SDK1: variants seen among roughly 807,000 people sequenced by gnomAD.
The protein encoded by SDK1 is sidekick cell adhesion molecule 1, also known as protein sidekick-1.
SDK1 carries 157 observed loss-of-function variants against 245.5 expected under a neutral mutation model. That is an observed-to-expected ratio of 0.64 (90% CI 0.56 to 0.73). The LOEUF (loss-of-function observed/expected upper bound fraction) is 0.73, where lower values mean the gene tolerates loss of function less well. SDK1 is among the 30% of genes least tolerant of loss of function. The pLI is 0.00. For synonymous variants in SDK1, 1,647 were observed against 1,278.5 expected, an observed-to-expected ratio of 1.29 and a Z score of -6.15; for missense variants, 3,583 against 3,002.3, an observed-to-expected ratio of 1.19 and a Z score of -4.52.
chr7:3,513,809 G>A (rs931709018), intron 1 of SDK1, among the ~76,000 whole-genome samples: 1 of 152,068 alleles, frequency 6.6e-6, no homozygotes, highest in Admixed American at 6.6e-5. Context: ...GTAGTCCCCA[G>A]TGTCTGTTGT....
chr7:3,974,722 T>G, intron 13 of SDK1, 177 bp downstream of exon 13: 1 of 570,384 alleles, frequency 1.8e-6, no homozygotes, highest in South Asian at 2.7e-5. Flanking sequence ...TGTGGTTTCT[T>G]TCAACTTCGG....
chr7:3,929,621 A>G (rs1350829873), intron 5 of SDK1, among the ~76,000 whole-genome samples: 1 of 152,178 alleles, frequency 6.6e-6, no homozygotes, highest in Non-Finnish European at 1.5e-5. Flanking sequence ...TTGAAGTGTT[A>G]TCTTTTGTAA....
At chr7:3,360,194 A>G (rs1160428632) in intron 1 of SDK1, among the ~76,000 whole-genome samples, 4 of 152,182 alleles carry the variant, frequency 2.6e-5, no homozygotes, top group Non-Finnish European at 4.4e-5. Context: ...GTAAACTCCA[A>G]GAGGTCAGGA....
chr7:3,427,544 G>T (rs1237336115), intron 1 of SDK1, among the ~76,000 whole-genome samples: 1 of 149,594 alleles, frequency 6.7e-6, no homozygotes. Flanking sequence ...AAAAAAATCA[G>T]AAGAATTGAG....
At chr7:3,384,778 T>C (rs1781569683) in intron 1 of SDK1, among the ~76,000 whole-genome samples, 1 of 152,266 alleles carries the variant, frequency 6.6e-6, no homozygotes, top group African/African-American at 2.4e-5. Flanking sequence ...CATCAATATG[T>C]ACATTTGAAG....
chr7:3,674,054 A>G (rs760837227), intron 4 of SDK1, among the ~76,000 whole-genome samples: 11 of 152,316 alleles, frequency 7.2e-5, no homozygotes, highest in South Asian at 4.1e-4. Context: ...AAGTCCATTA[A>G]GGCATAGAAG....
chr7:4,087,702 T>A (rs1055636175), intron 22 of SDK1, among the ~76,000 whole-genome samples: 1 of 152,198 alleles, frequency 6.6e-6, no homozygotes, highest in Non-Finnish European at 1.5e-5. Flanking sequence ...GCGATCAATA[T>A]ACCTCAAAAG....
At chr7:3,304,371 C>T (rs1779362270) in intron 1 of SDK1, among the ~76,000 whole-genome samples, 1 of 152,188 alleles carries the variant, frequency 6.6e-6, no homozygotes, top group Non-Finnish European at 1.5e-5. Flanking sequence ...GGAAGGATGA[C>T]TTCTGAGGCT....
chr7:4,071,366 C>G (rs1354732309), intron 20 of SDK1, among the ~76,000 whole-genome samples: 1 of 152,230 alleles, frequency 6.6e-6, no homozygotes, highest in African/African-American at 2.4e-5. Flanking sequence ...GAATCTGGCT[C>G]TGCCTTCCAG....
At chr7:3,527,688 G>C (rs982731786) in intron 1 of SDK1, among the ~76,000 whole-genome samples, 1 of 151,622 alleles carries the variant, frequency 6.6e-6, no homozygotes, top group African/African-American at 2.4e-5. Flanking sequence ...GTGAGTGGTG[G>C]GAGGTGAGGC....
chr7:3,478,534 C>T (rs1316181519), intron 1 of SDK1, among the ~76,000 whole-genome samples: 1 of 151,814 alleles, frequency 6.6e-6, no homozygotes, highest in Non-Finnish European at 1.5e-5. Flanking sequence ...TTTAAAGTTG[C>T]ATATTCAGTT....
intron 1 of SDK1, among the ~76,000 whole-genome samples, chr7:3,462,197 T>G (rs979111285): frequency 7.2e-5 from 11 of 152,114 alleles, no homozygotes; most frequent in Non-Finnish European, 1.5e-4. Context: ...GCTCTTCAGT[T>G]CACATCTCAC....
At chr7:3,475,134 C>T (rs1387882503) in intron 1 of SDK1, among the ~76,000 whole-genome samples, 1 of 152,186 alleles carries the variant, frequency 6.6e-6, no homozygotes, top group Non-Finnish European at 1.5e-5. Flanking sequence ...ATTCCTTCCC[C>T]TTGTTCCATT....
intron 4 of SDK1, among the ~76,000 whole-genome samples, chr7:3,679,456 A>T (rs1416822942): frequency 6.6e-6 from 1 of 152,094 alleles, no homozygotes; most frequent in African/African-American, 2.4e-5. Flanking sequence ...AGTCCCAGGT[A>T]CTCGGGAGGC....
intron 4 of SDK1, among the ~76,000 whole-genome samples, chr7:3,729,218 T>C (rs1305854037): frequency 6.6e-6 from 1 of 152,210 alleles, no homozygotes; most frequent in African/African-American, 2.4e-5. Flanking sequence ...AAAACATCAT[T>C]TTGTTTTGCA....
intron 4 of SDK1, among the ~76,000 whole-genome samples, chr7:3,742,960 A>G (rs1056587979): frequency 2.6e-5 from 4 of 152,256 alleles, no homozygotes; most frequent in African/African-American, 9.6e-5. Flanking sequence ...TTTCTACCAG[A>G]TGAATGACCC....
chr7:3,533,092 TCCAGCACTGTAG>T (rs1783404013), intron 1 of SDK1, among the ~76,000 whole-genome samples: 1 of 152,194 alleles, frequency 6.6e-6, no homozygotes, highest in African/African-American at 2.4e-5. Context: ...AGAAAATGAT[TCCAGCACTGTAG>T]CCAACCTAAA....
chr7:3,355,368 T>C (rs556194622), intron 1 of SDK1, among the ~76,000 whole-genome samples: 1 of 152,246 alleles, frequency 6.6e-6, no homozygotes, highest in South Asian at 2.1e-4. Flanking sequence ...TGGGGTGGAG[T>C]GCAATGGTGC....
At chr7:3,474,062 C>G (rs543747002) in intron 1 of SDK1, among the ~76,000 whole-genome samples, 19 of 143,588 alleles carry the variant, frequency 1.3e-4, no homozygotes, top group Non-Finnish European at 2.7e-4. Flanking sequence ...GTCCCTTTAC[C>G]TGTCAACTTG....
Sources: gnomAD v4.1 joint callset for allele counts (sites outside exome capture counted in the v4.1 genomes callset) on GRCh38, gnomAD v4.1.1 for gene constraint, MANE v1.5 for transcripts, NCBI Gene and HGNC (gene_info 2026-07-23, HGNC 2026-07-21) for gene names.